Variants in RAB38 observed in about 807,000 individuals in gnomAD.
RAB38 encodes the protein ras-related protein Rab-38.
RAB38 carries 15 observed loss-of-function variants against 18.4 expected under a neutral mutation model. The ratio of observed to expected loss-of-function variants is 0.82; its 90% confidence interval spans 0.55 to 1.26. The LOEUF (loss-of-function observed/expected upper bound fraction) is 1.26, where lower values mean the gene tolerates loss of function less well. Ranked by LOEUF, RAB38 falls within the 50% of genes most tolerant of loss-of-function variation. The probability of loss-of-function intolerance (pLI) is 0.00; values close to 1 mark genes in which losing one functional copy is unlikely to be tolerated. For missense variants in RAB38, 294 were observed against 267.4 expected, an observed-to-expected ratio of 1.10 and a Z score of -0.69; for synonymous variants, 101 against 104.4, an observed-to-expected ratio of 0.97 and a Z score of 0.20.
the RAB38 span, among the ~76,000 whole-genome samples, chr11:87,874,752 C>T: frequency 6.6e-6 from 1 of 151,258 alleles, no homozygotes; most frequent in Non-Finnish European, 1.5e-5. Context: ...AGAGATATCA[C>T]CTTACATCTG....
chr11:87,809,194 A>G, the RAB38 span, among the ~76,000 whole-genome samples: 3 of 152,210 alleles, frequency 2.0e-5, no homozygotes, highest in Non-Finnish European at 4.4e-5. Flanking sequence ...TAAAACAATG[A>G]CAAAATTCAG....
the RAB38 span, among the ~76,000 whole-genome samples, chr11:88,093,927 T>TCTCTGAGAGC: frequency 6.6e-6 from 1 of 151,888 alleles, no homozygotes; most frequent in Non-Finnish European, 1.5e-5. Context: ...TCGAAAGGGC[T>TCTCTGAGAGC]CCTTGCTAAC....
chr11:88,151,815 T>C (rs1034039477), intron 1 of RAB38, among the ~76,000 whole-genome samples: 2 of 152,112 alleles, frequency 1.3e-5, no homozygotes, highest in Non-Finnish European at 2.9e-5. Context: ...TTAGTGAAAA[T>C]GAATGAAGGT....
the RAB38 span, chr11:88,061,851 C>T: frequency 6.6e-6 from 1 of 152,098 alleles, no homozygotes; most frequent in Non-Finnish European, 1.5e-5. Flanking sequence ...TTGCTGTTGT[C>T]TTCATATGGC....
At chr11:88,162,599 T>C (rs1022415825) in intron 1 of RAB38, among the ~76,000 whole-genome samples, 1 of 144,190 alleles carries the variant, frequency 6.9e-6, no homozygotes, top group Non-Finnish European at 1.5e-5. Context: ...ATCTCATTCA[T>C]TCATTTAACA....
the RAB38 span, among the ~76,000 whole-genome samples, chr11:87,973,053 C>A: frequency 3.3e-5 from 5 of 151,958 alleles, no homozygotes; most frequent in Non-Finnish European, 5.9e-5. Flanking sequence ...TTCCTGAGGC[C>A]TCCCCAGCCA....
At chr11:87,951,550 G>A in the RAB38 span, among the ~76,000 whole-genome samples, 1 of 151,752 alleles carries the variant, frequency 6.6e-6, no homozygotes. Context: ...TGTCTTTGAT[G>A]ATGGTCATGT....
chr11:87,863,033 A>C, the RAB38 span, among the ~76,000 whole-genome samples: 5 of 152,010 alleles, frequency 3.3e-5, no homozygotes, highest in Admixed American at 3.3e-4. Context: ...AATGTTATTT[A>C]ATATACTTCT....
At chr11:88,171,868 A>AT (rs1425359589) in intron 1 of RAB38, among the ~76,000 whole-genome samples, 5 of 152,206 alleles carry the variant, frequency 3.3e-5, no homozygotes, top group South Asian at 4.1e-4. Context: ...TAAATGACCT[A>AT]TTTTTTTAAA....
At chr11:87,842,544 G>A in the RAB38 span, among the ~76,000 whole-genome samples, 9 of 152,258 alleles carry the variant, frequency 5.9e-5, no homozygotes, top group Non-Finnish European at 1.3e-4. Context: ...AAATTAATTT[G>A]TGCCATAAAT....
At chr11:87,845,300 T>A in the RAB38 span, among the ~76,000 whole-genome samples, 537 of 152,276 alleles carry the variant, frequency 3.5e-3, 2 homozygotes, top group African/African-American at 0.012. Flanking sequence ...CTATATTTAA[T>A]TAGCTCCTTT....
chr11:88,127,173 T>C (rs1245466434), intron 2 of RAB38, among the ~76,000 whole-genome samples: 1 of 152,226 alleles, frequency 6.6e-6, no homozygotes, highest in African/African-American at 2.4e-5. Flanking sequence ...GGAGTGTGCC[T>C]TGTGTTCAAA....
the RAB38 span, among the ~76,000 whole-genome samples, chr11:87,951,200 C>A: frequency 1.3e-5 from 2 of 152,146 alleles, no homozygotes; most frequent in Non-Finnish European, 1.5e-5. Context: ...CTTCTGCATT[C>A]GTCACATAGC....
the RAB38 span, among the ~76,000 whole-genome samples, chr11:87,955,106 C>A: frequency 3.3e-5 from 5 of 152,230 alleles, no homozygotes; most frequent in Non-Finnish European, 7.3e-5. Context: ...GTAGTGTTCA[C>A]TGGCCCATGG....
chr11:87,934,177 G>A, the RAB38 span, among the ~76,000 whole-genome samples: 4 of 152,158 alleles, frequency 2.6e-5, no homozygotes, highest in South Asian at 8.3e-4. Context: ...ATCTGGATGT[G>A]TATCTCAATT....
At chr11:87,849,178 C>A in the RAB38 span, among the ~76,000 whole-genome samples, 1 of 152,122 alleles carries the variant, frequency 6.6e-6, no homozygotes, top group Admixed American at 6.6e-5. Context: ...AAACTTTGCA[C>A]CACAGGAAGT....
the RAB38 span, among the ~76,000 whole-genome samples, chr11:88,044,305 C>T: frequency 2.0e-5 from 3 of 152,066 alleles, no homozygotes; most frequent in Admixed American, 1.3e-4. Flanking sequence ...CCCTTCTCTC[C>T]GTGTCTCTAC....
At chr11:88,028,536 G>C in the RAB38 span, among the ~76,000 whole-genome samples, 676 of 152,270 alleles carry the variant, frequency 4.4e-3, 2 homozygotes, top group African/African-American at 0.016. Context: ...GTGCTTAAAG[G>C]GGATAATGGA....
chr11:87,818,966 A>G, the RAB38 span, among the ~76,000 whole-genome samples: 10 of 152,226 alleles, frequency 6.6e-5, no homozygotes, highest in Non-Finnish European at 1.3e-4. Flanking sequence ...ATATTTTTCA[A>G]GAGCTAAAGG....
Sources: gnomAD v4.1 joint callset for allele counts (sites outside exome capture counted in the v4.1 genomes callset) on GRCh38, gnomAD v4.1.1 for gene constraint, MANE v1.5 for transcripts, NCBI Gene and HGNC (gene_info 2026-07-23, HGNC 2026-07-21) for gene names.